Variants in PCDHA8 observed in about 807,000 individuals in gnomAD.
PCDHA8 encodes the protein protocadherin alpha-8.
In PCDHA8, 53 loss-of-function variants were observed where a neutral mutation model predicts 61.8. The ratio of observed to expected loss-of-function variants is 0.86; its 90% CI spans 0.69 to 1.08. The LOEUF (loss-of-function observed/expected upper bound fraction) is 1.08, where lower values mean the gene tolerates loss of function less well. Among genes scored for constraint, PCDHA8 ranks in the 50% least tolerant of loss-of-function variants. The probability of loss-of-function intolerance (pLI) is 0.00; values close to 1 mark genes in which losing one functional copy is unlikely to be tolerated. For synonymous variants in PCDHA8, 618 were observed against 556.6 expected, an observed-to-expected ratio of 1.11 and a Z score of -1.55; for missense variants, 1,293 against 1,245.0, an observed-to-expected ratio of 1.04 and a Z score of -0.58.
At chr5:140,931,396 G>C (rs1554208395) in intron 1 of PCDHA8, among the ~76,000 whole-genome samples, 1 of 152,000 alleles carries the variant, frequency 6.6e-6, no homozygotes, top group Non-Finnish European at 1.5e-5. Flanking sequence ...ATAAGTAAGC[G>C]ATAGGAAGGC....
chr5:140,893,862 C>T (rs1376548113), intron 1 of PCDHA8, among the ~76,000 whole-genome samples: 1 of 152,158 alleles, frequency 6.6e-6, no homozygotes, highest in East Asian at 1.9e-4. Flanking sequence ...TGTATAGAAA[C>T]AACCCAGATC....
At chr5:140,979,168 G>T in intron 2 of PCDHA8, 161 bp downstream of exon 2, 6 of 966,502 alleles carry the variant, frequency 6.2e-6, no homozygotes, top group Non-Finnish European at 7.4e-6. Context: ...TTCCTTGAAA[G>T]ATCGCAAATG....
intron 1 of PCDHA8, among the ~76,000 whole-genome samples, chr5:140,905,700 A>G (rs926526227): frequency 3.9e-5 from 6 of 152,136 alleles, no homozygotes; most frequent in Non-Finnish European, 5.9e-5. Context: ...TGTGTCATTT[A>G]TGATTTCCTT....
intron 1 of PCDHA8, among the ~76,000 whole-genome samples, chr5:140,899,512 G>C (rs4386771): frequency 0.046 from 7,065 of 152,150 alleles, 285 homozygotes; most frequent in African/African-American, 0.11. Flanking sequence ...TGCATATATT[G>C]CATCCCAGGG....
Position 140,848,427 on chromosome 5 carries a change from A to G in PCDHA8, c.2394+4712A>G, listed in dbSNP as rs1781513413. The G allele has an allele frequency of 2.1e-6, 3 of 1,451,764 alleles. No homozygotes were observed. In the African/African-American group the frequency reaches 4.2e-5, roughly 20 times the overall value. The allele number at this position is 1,451,764 out of a possible 1,614,324, so 89.9% of individuals were successfully genotyped here. A position where few individuals can be genotyped will look rare whatever the true frequency, so the allele number is the denominator to read the frequency against. The stretch of plus-strand genomic sequence containing the variant: ...TGGCGAACACAGCAGAATGGGACTG[A>G]CGAAATCAGATGATTTCTTCTAATT... On this transcript the variant is annotated intron_variant, in intron 1 of 3. Coordinates refer to ENST00000531613, the MANE Select transcript of PCDHA8 (RefSeq NM_018911.3).
intron 1 of PCDHA8, among the ~76,000 whole-genome samples, chr5:140,942,396 A>G (rs1172739397): frequency 6.6e-6 from 1 of 151,922 alleles, no homozygotes; most frequent in Admixed American, 6.6e-5. Flanking sequence ...TGGGCGACAG[A>G]TGAGACTCTG....
intron 1 of PCDHA8, chr5:140,857,539 G>T (rs782469087): frequency 6.3e-7 from 1 of 1,597,270 alleles, no homozygotes; most frequent in African/African-American, 1.3e-5. Flanking sequence ...TGGAGCGGCG[G>T]TTGGGCGAGC....
rs1464705038 is a variant in PCDHA8 at position 140,883,214 on chromosome 5, T to C, written c.2394+39499T>C. 4.3e-6 allele frequency: 7 copies of C among 1,613,892 alleles called. No individual in the cohort carries two copies. The highest frequency in any genetic ancestry group is 5.9e-6 in the Non-Finnish European group (7 of 1,180,024). The stretch of plus-strand genomic sequence containing the variant: ...ACTAGATTTCGAAGAAAAGAAATTA[T>C]ATGAAATATCCGTGGAGGCAGTTGA... On this transcript the variant is annotated intron_variant, in intron 1 of 3. Coordinates refer to ENST00000531613, the MANE Select transcript of PCDHA8 (RefSeq NM_018911.3).
At chr5:140,885,664 A>G (rs2060680895) in intron 1 of PCDHA8, among the ~76,000 whole-genome samples, 1 of 152,174 alleles carries the variant, frequency 6.6e-6, no homozygotes, top group Non-Finnish European at 1.5e-5. Context: ...ACCAGTTATG[A>G]GCACTCTTTC....
chr5:140,927,637 G>A lies in PCDHA8; in HGVS notation c.2395-51312G>A, dbSNP rs1554204838. Reference sequence around the variant, plus strand: ...CAAGGTTCCAGAGACTGCACCCAATGGGACTGTGTTATTCCGAGTTCAAGC... The same window carrying A: ...CAAGGTTCCAGAGACTGCACCCAATAGGACTGTGTTATTCCGAGTTCAAGC... On this transcript the variant is annotated intron_variant, in intron 1 of 3. Coordinates refer to ENST00000531613, the MANE Select transcript of PCDHA8 (RefSeq NM_018911.3). 3.7e-6 allele frequency: 6 copies of A among 1,614,176 alleles called. 1 individual carries two copies. In the Middle Eastern group the frequency reaches 9.9e-4, roughly 266 times the overall value.
At chr5:140,949,991 A>T (rs1585353048) in intron 1 of PCDHA8, among the ~76,000 whole-genome samples, 1 of 151,822 alleles carries the variant, frequency 6.6e-6, no homozygotes, top group East Asian at 1.9e-4. Flanking sequence ...AACTTTTCTC[A>T]GTCCACTTAA....
Position 141,009,965 on chromosome 5 carries a change from G to A in PCDHA8, c.*28G>A, listed in dbSNP as rs782001097. On this transcript the variant is annotated 3_prime_UTR_variant, in exon 4 of 4. Coordinates refer to ENST00000531613, the MANE Select transcript of PCDHA8 (RefSeq NM_018911.3). ...TCCTCAAATGGAAACAAGCCACTTA[G>A]CCAGTTTTTGTAATAATGGCAAATC... is the stretch of plus-strand genomic sequence containing the variant. 1.6e-5 allele frequency: 26 copies of A among 1,587,906 alleles called. No individual in the cohort carries two copies. Among genetic ancestry groups the A allele is most frequent in the Non-Finnish European group, 2.6e-6 (3 of 1,170,436 alleles).
At chr5:140,928,208 A>G in intron 1 of PCDHA8, 1 of 1,614,228 alleles carries the variant, frequency 6.2e-7, no homozygotes, top group Non-Finnish European at 8.5e-7. Context: ...GCTGATGTGA[A>G]TGACAATACA....
At chr5:140,849,060 G>GT (rs1320977554) in intron 1 of PCDHA8, 2 of 1,548,996 alleles carry the variant, frequency 1.3e-6, no homozygotes, top group Non-Finnish European at 1.8e-6. Context: ...CAACCAGCAG[G>GT]TAAAACCTCT....
intron 1 of PCDHA8, 88 bp downstream of exon 1, chr5:140,843,803 T>C: frequency 7.7e-7 from 1 of 1,305,734 alleles, no homozygotes. Context: ...TTTTTCACCG[T>C]ATTTTATAGT....
chr5:140,936,981 T>C (rs2153630854), intron 1 of PCDHA8, among the ~76,000 whole-genome samples: 1 of 152,330 alleles, frequency 6.6e-6, no homozygotes, highest in South Asian at 2.1e-4. Flanking sequence ...ATGAAGCTTG[T>C]TAACATTGAC....
At chr5:140,877,097 T>A in intron 1 of PCDHA8, 1 of 1,613,308 alleles carries the variant, frequency 6.2e-7, no homozygotes, top group Non-Finnish European at 8.5e-7. Context: ...GACGCCGGCG[T>A]GCCGCCTCTG....
intron 1 of PCDHA8, chr5:140,967,413 A>G: frequency 6.2e-7 from 1 of 1,613,218 alleles, no homozygotes; most frequent in Non-Finnish European, 8.5e-7. Context: ...AAGGGCCTAG[A>G]CCGGGAGCAG....
chr5:140,856,162 C>T (rs782071685), intron 1 of PCDHA8: 7 of 1,598,320 alleles, frequency 4.4e-6, no homozygotes, highest in Non-Finnish European at 6.0e-6. Context: ...ACGAGGAGGC[C>T]AGACACGGCA....
Sources: allele counts gnomAD v4.1 joint callset (sites outside exome capture counted in the v4.1 genomes callset), GRCh38; gene constraint gnomAD v4.1.1; transcripts MANE v1.5; gene names NCBI Gene and HGNC (gene_info 2026-07-23, HGNC 2026-07-21).